Variants in USE1 observed in about 807,000 individuals in gnomAD.
The protein encoded by USE1 is unconventional SNARE in the ER 1, also known as vesicle transport protein USE1.
In USE1, 32 loss-of-function variants were observed where a neutral mutation model predicts 37.6. That is an observed-to-expected ratio of 0.85 (90% CI 0.64 to 1.14). The LOEUF (loss-of-function observed/expected upper bound fraction) is 1.14. Ranked by LOEUF, USE1 falls within the 50% of genes most tolerant of loss-of-function variation. The pLI is 0.00. For synonymous variants in USE1, 149 were observed against 137.6 expected (o/e 1.08, Z -0.58); for missense variants, 310 against 332.2 (o/e 0.93, Z 0.52).
At chr19:17,215,757 G>C in intron 1 of USE1, 45 bp from the exon 2 acceptor site, 3 of 1,564,634 alleles carry the variant, frequency 1.9e-6, no homozygotes, top group Non-Finnish European at 1.7e-6. Flanking sequence ...CCATGATCAG[G>C]ACATGGGAAA....
intron 4 of USE1, 156 bp downstream of exon 4, chr19:17,216,477 G>T: frequency 9.4e-7 from 1 of 1,069,284 alleles, no homozygotes; most frequent in Non-Finnish European, 1.3e-6. Flanking sequence ...CCCAACAGAG[G>T]GGCATTGTGG....
chr19:17,217,446 T>C lies in USE1; in HGVS notation c.385-7T>C, dbSNP rs769885686. The C allele has an allele frequency of 6.2e-7, 1 of 1,611,114 alleles. No homozygotes were observed. The highest frequency in any genetic ancestry group is 1.1e-5 in the South Asian group (1 of 90,632). On this transcript the variant is annotated splice_region_variant and splice_polypyrimidine_tract_variant and intron_variant, in intron 4 of 7. Transcript: ENST00000263897. ...CCCAGCCTCATGCCACTTACTTCTTTCCACAGGACTCTGCAGGTGAGTCAC... is the reference window on the plus strand; with the variant it reads ...CCCAGCCTCATGCCACTTACTTCTTCCCACAGGACTCTGCAGGTGAGTCAC...
intron 4 of USE1, among the ~76,000 whole-genome samples, chr19:17,216,993 T>A (rs1468163226): frequency 6.6e-6 from 1 of 150,776 alleles, no homozygotes; most frequent in Non-Finnish European, 1.5e-5. Flanking sequence ...AAAAAAAATA[T>A]GAGTTGTCGT....
At position 17,218,351 on chromosome 19, in the gene USE1, G is replaced by T; in HGVS notation, c.395-13G>T. 1.2e-6 allele frequency: 2 copies of T among 1,613,592 alleles called. No homozygotes were observed. The highest frequency in any genetic ancestry group is 1.7e-6 in the Non-Finnish European group (2 of 1,179,698). On this transcript the variant is annotated splice_polypyrimidine_tract_variant and intron_variant, in intron 5 of 7. Transcript: ENST00000263897. ...AACACTCGCCTTTTTTGCTTGGCCT[G>T]TTTTGCTTTCAGAGCCTGAGATGGA... is the stretch of plus-strand genomic sequence containing the variant.
At chr19:17,217,531 C>T in intron 5 of USE1, 69 bp downstream of exon 5, 9 of 1,580,986 alleles carry the variant, frequency 5.7e-6, no homozygotes, top group Non-Finnish European at 6.9e-6. Flanking sequence ...TCCTTGCTGC[C>T]CCGGGGCCTC....
chr19:17,219,062 G>A, intron 6 of USE1, 151 bp from the exon 7 acceptor site: 1 of 1,150,108 alleles, frequency 8.7e-7, no homozygotes, highest in Non-Finnish European at 1.2e-6. Flanking sequence ...GGGAGGCAGA[G>A]GTTGCAGTGA....
intron 5 of USE1, chr19:17,217,774 C>A: frequency 2.3e-6 from 1 of 432,224 alleles, no homozygotes; most frequent in Non-Finnish European, 4.6e-6. Flanking sequence ...TAGCCGGATG[C>A]AGTGCCACGT....
chr19:17,218,826 CAA>C (rs34769436), intron 6 of USE1: 1,730 of 67,040 alleles, frequency 0.026, 13 homozygotes, highest in Admixed American at 0.043. Flanking sequence ...GATGCTGTCT[CAA>C]AAAAAAAAAA....
chr19:17,216,282 G>A lies in USE1; in HGVS notation c.345G>A (p.Ala115=), dbSNP rs201300912. Residue 115 remains alanine (A), a synonymous_variant, in exon 4 of 8, where the codon GCG becomes GCA. Transcript: ENST00000263897. ...ATKTVHLQSR[A]RYTSEMRSEL... ...AGACGGTGCATCTGCAGTCACGGGC[G>A]CGGTACACCAGCGAGATGCGGAGTG... 4.3e-6 allele frequency: 7 copies of A among 1,613,000 alleles called. No homozygotes were observed. The highest frequency in any genetic ancestry group is 2.2e-5 in the East Asian group (1 of 44,878).
At chr19:17,215,721 ATTTGTC>A in intron 1 of USE1, 75 bp from the exon 2 acceptor site, 2 of 619,900 alleles carry the variant, frequency 3.2e-6, no homozygotes, top group African/African-American at 6.0e-5. Flanking sequence ...GACCCCTCCC[ATTTGTC>A]GGCCCCGCCC....
At position 17,219,345 on chromosome 19, in the gene USE1, C is replaced by T; in HGVS notation, c.555C>T (p.Thr185=). 1 of 1,585,540 alleles carries T rather than the reference C, an allele frequency of 6.3e-7. No homozygotes were observed. ...TAGGACTGGCCCGGAGCCTCAAGAC[C>T]AATACCCTGGCCGCCCAGAGTGTCA... The part of the protein sequence containing the change: ...EMLGLARSLK[T]NTLAAQSVIK... The change falls in exon 7 of 8, where the codon ACC becomes ACT. Residue 185 remains threonine (T), a synonymous_variant. Transcript: ENST00000263897.
At chr19:17,218,419 G>A in intron 6 of USE1, 28 bp downstream of exon 6, 1 of 1,613,674 alleles carries the variant, frequency 6.2e-7, no homozygotes, top group Non-Finnish European at 8.5e-7. Context: ...TGGGGCAGTA[G>A]TGGCAATTGG....
chr19:17,216,892 C>T (rs8100885), intron 4 of USE1, among the ~76,000 whole-genome samples: 2 of 151,734 alleles, frequency 1.3e-5, no homozygotes, highest in South Asian at 2.1e-4. Context: ...GCAGGAGAAT[C>T]GCTTGAACCC....
Position 17,218,564 on chromosome 19 carries a change from G to T in USE1, c.422+173G>T, listed in dbSNP as rs576010060. 9.4e-6 allele frequency: 7 copies of T among 744,430 alleles called. No homozygotes were observed. In the African/African-American group the frequency reaches 1.3e-4, roughly 13 times the overall value. The allele number at this position is 744,430 out of a possible 1,614,324, so 46.1% of individuals were successfully genotyped here. ...TCAAAGGCCAGGCGCAGTGGCTCAC[G>T]CCTGTAATCCCAATACTTTGGGAGG... On this transcript the variant is annotated intron_variant, in intron 6 of 7. Transcript: ENST00000263897.
chr19:17,219,410 C>A (rs996750649), intron 7 of USE1, 23 bp downstream of exon 7: 22 of 1,543,766 alleles, frequency 1.4e-5, no homozygotes, highest in Middle Eastern at 1.8e-4. Context: ...GGGGAGCTCT[C>A]CAGCCTCTGC....
chr19:17,217,364 G>A, intron 4 of USE1, 89 bp from the exon 5 acceptor site: 1 of 1,461,846 alleles, frequency 6.8e-7, no homozygotes, highest in Non-Finnish European at 9.4e-7. Context: ...TCGAACTTCT[G>A]ACCTCAGGTG....
intron 1 of USE1, 41 bp from the exon 2 acceptor site, chr19:17,215,761 T>A: frequency 4.7e-6 from 6 of 1,264,240 alleles, no homozygotes; most frequent in Non-Finnish European, 6.5e-6. Context: ...GATCAGGACA[T>A]GGGAAAGACC....
chr19:17,217,693 C>A (rs1277266524), intron 5 of USE1: 1 of 595,082 alleles, frequency 1.7e-6, no homozygotes, highest in Non-Finnish European at 3.1e-6. Flanking sequence ...AGGTGGATCA[C>A]CTGAGGTCAG....
chr19:17,217,903 C>T (rs2073300438), intron 5 of USE1: 1 of 340,036 alleles, frequency 2.9e-6, no homozygotes, highest in South Asian at 2.3e-5. Flanking sequence ...CAGAGCAAGA[C>T]TCCGTCTCAA....
Sources: allele counts gnomAD v4.1 joint callset (sites outside exome capture counted in the v4.1 genomes callset), GRCh38; gene constraint gnomAD v4.1.1; transcripts MANE v1.5; gene names NCBI Gene and HGNC (gene_info 2026-07-23, HGNC 2026-07-21).